Variants in FAM151A observed in about 807,000 individuals in gnomAD.
The protein encoded by FAM151A is family with sequence similarity 151 member A, also known as protein FAM151A.
Under a neutral mutation model 40.4 loss-of-function variants are expected in FAM151A, and 41 were observed. The observed-to-expected ratio is 1.01, with a 90% confidence interval of 0.79 to 1.32. The LOEUF (loss-of-function observed/expected upper bound fraction) is 1.32, where lower values mean the gene tolerates loss of function less well. FAM151A is among the 40% of genes most tolerant of loss of function. The pLI, the probability that FAM151A is intolerant of heterozygous loss-of-function variation, is 0.00. For missense variants in FAM151A, 740 were observed against 740.4 expected (o/e 1.00, Z 0.01); for synonymous variants, 337 against 312.5 (o/e 1.08, Z -0.83).
chr1:54,614,600 G>C (rs1051449708), intron 4 of FAM151A, 100 bp downstream of exon 4: 1 of 1,230,400 alleles, frequency 8.1e-7, no homozygotes, highest in Admixed American at 2.4e-5. Flanking sequence ...TATATAGTAT[G>C]ATTGGAGACA....
chr1:54,611,412 A>G (rs1644116841), intron 6 of FAM151A, among the ~76,000 whole-genome samples, 194 bp downstream of exon 6: 1 of 152,112 alleles, frequency 6.6e-6, no homozygotes, highest in South Asian at 2.1e-4. Flanking sequence ...AAAAATAAAT[A>G]AATAAAAATA....
intron 2 of FAM151A, among the ~76,000 whole-genome samples, chr1:54,619,310 T>C (rs956995790): frequency 3.3e-5 from 5 of 152,198 alleles, no homozygotes; most frequent in African/African-American, 1.2e-4. Flanking sequence ...CGTCACGCAG[T>C]GGCTTGGAGC....
At position 54,609,729 on chromosome 1, in the gene FAM151A, T is replaced by C. The variant is rs868533061; in HGVS notation, c.1297A>G (p.Ser433Gly). 5 of 1,614,140 alleles carry C rather than the reference T, an allele frequency of 3.1e-6. 1 individual carries two copies. The highest frequency in any genetic ancestry group is 2.2e-5 in the East Asian group (1 of 44,882). ...ACAGGCCAATGCAAGAGGCCAAGGC[T>C]GGAGAGGCGTGCCAGCAAGGCCAGG... is the stretch of plus-strand genomic sequence containing the variant. ...PSLALLARLS[S>G]LGLLHWPVWV... is the part of the protein sequence containing the mutation. The change falls in exon 8 of 8, where the codon AGC becomes GGC. Residue 433 changes from serine to glycine, a missense_variant. Ser to Gly is a moderately conservative substitution (Grantham distance 56). Transcript: ENST00000302250.
intron 1 of FAM151A, among the ~76,000 whole-genome samples, chr1:54,621,187 C>T (rs538201022): frequency 2.7e-5 from 4 of 148,154 alleles, no homozygotes; most frequent in Admixed American, 6.8e-5. Flanking sequence ...CTGCGCGCGG[C>T]GGCTGACGCC....
At position 54,616,054 on chromosome 1, in the gene FAM151A, C is replaced by T. The variant is rs761361008; in HGVS notation, c.381G>A (p.Gln127=). The part of the protein sequence containing the change: ...PTIYSDNTLE[Q]WLDAVLGSSQ... ...AAGAGCCCAGCACAGCGTCCAGCCA[C>T]TGCTCCAGTGTGTTGTCACTGTAGA... The change falls in exon 3 of 8, where the codon CAG becomes CAA. Residue 127 remains glutamine, a synonymous_variant. Coordinates refer to ENST00000302250, the MANE Select transcript of FAM151A (RefSeq NM_176782.3). The T allele has an allele frequency of 6.2e-7, 1 of 1,614,126 alleles. No homozygotes were observed. Among genetic ancestry groups the T allele is most frequent in the Non-Finnish European group, 8.5e-7 (1 of 1,180,028 alleles).
chr1:54,621,072 A>C (rs1189028331), intron 1 of FAM151A, among the ~76,000 whole-genome samples: 1 of 151,640 alleles, frequency 6.6e-6, no homozygotes, highest in African/African-American at 2.4e-5. Flanking sequence ...AAGGCAGAGA[A>C]TCACTTGAAC....
chr1:54,615,899 A>G, intron 3 of FAM151A, 121 bp downstream of exon 3: 3 of 1,013,072 alleles, frequency 3.0e-6, no homozygotes. Context: ...GTGATGAGAA[A>G]GCCAAGGCAA....
Position 54,610,519 on chromosome 1 carries a change from C to T in FAM151A, c.977G>A (p.Gly326Asp), listed in dbSNP as rs1644106633. The T allele has an allele frequency of 3.1e-6, 5 of 1,613,508 alleles. No homozygotes were observed. Among genetic ancestry groups the T allele is most frequent in the Non-Finnish European group, 4.2e-6 (5 of 1,179,656 alleles). Residue 326 changes from glycine to aspartate, a missense_variant, in exon 7 of 8, where the codon GGC becomes GAC. Transcript: ENST00000302250. Reference sequence around the variant, plus strand: ...CAGCTGGAGAAGAGGGATCAGGCTGCCTCCCGTGTAGTACATTGGTTTCCG... The same window carrying T: ...CAGCTGGAGAAGAGGGATCAGGCTGTCTCCCGTGTAGTACATTGGTTTCCG... ...ATRKPMYYTG[G>D]SLIPLLQLPG...
chr1:54,616,013 C>A lies in FAM151A; in HGVS notation c.415+7G>T. 1.2e-6 allele frequency: 2 copies of A among 1,613,184 alleles called. No homozygotes were observed. The highest frequency in any genetic ancestry group is 1.7e-6 in the Non-Finnish European group (2 of 1,179,922). The stretch of plus-strand genomic sequence containing the variant: ...GGGCCGGAGAGGGTTTCCAGAGAGG[C>A]CCTTACCCTTTTGGGAAGAGCCCAG... On this transcript the variant is annotated splice_region_variant and intron_variant, in intron 3 of 7. Coordinates refer to ENST00000302250, the MANE Select transcript of FAM151A (RefSeq NM_176782.3).
rs759822650 is a variant in FAM151A, at chr1:54,614,719, TTGAGA to T, written c.551_555del (p.Ile184AsnfsTer2). The T allele has an allele frequency of 6.2e-7, 1 of 1,613,848 alleles. No individual in the cohort carries two copies. On this transcript the variant is annotated frameshift_variant, in exon 4 of 8. Transcript: ENST00000302250. LOFTEE classifies it high-confidence loss of function. ...ACTCACTGTGTGGCATTGACCTCAG[TTGAGA>T]TGAGCATGTTGGGGCCCTTTAAGAT...
chr1:54,622,257 CAG>C (rs1179848197), intron 1 of FAM151A, among the ~76,000 whole-genome samples: 2 of 106,046 alleles, frequency 1.9e-5, no homozygotes, highest in South Asian at 3.4e-4. Flanking sequence ...GGCTGAGTGA[CAG>C]AGTGAGACTC....
rs920212307 is a variant in FAM151A at position 54,610,961 on chromosome 1, G to A, written c.941-406C>T. 42 of 985,264 alleles carry A rather than the reference G, an allele frequency of 4.3e-5. No homozygotes were observed. In the African/African-American group the frequency reaches 7.3e-4, roughly 17 times the overall value. The allele number at this position is 985,264 out of a possible 1,614,324, so 61.0% of individuals were successfully genotyped here. On this transcript the variant is annotated intron_variant, in intron 6 of 7. Coordinates refer to ENST00000302250, the MANE Select transcript of FAM151A (RefSeq NM_176782.3). ...TCACTGCTTAATGAATACAGTGGAG[G>A]CCTCTGAAACATTAGAGTAACCAGC...
At chr1:54,615,881 A>G (rs971110946) in intron 3 of FAM151A, 139 bp downstream of exon 3, 5 of 854,716 alleles carry the variant, frequency 5.8e-6, no homozygotes, top group African/African-American at 5.0e-5. Flanking sequence ...CTGGGCATCT[A>G]TAACATTGTG....
At position 54,623,358 on chromosome 1, in the gene FAM151A, T is replaced by C. The variant is rs781445256; in HGVS notation, c.38A>G (p.Lys13Arg). 1 of 1,613,552 alleles carries C rather than the reference T, an allele frequency of 6.2e-7. No homozygotes were observed. The highest frequency in any genetic ancestry group is 8.5e-7 in the Non-Finnish European group (1 of 1,179,878). ...CREQLSKNQV[K>R]WVFAGITCVS... ...ACAGGTAATGCCGGCAAACACCCAC[T>C]TGACCTGATTCTTTGATAACTGCTC... The change falls in exon 1 of 8, where the codon AAG (lysine) becomes AGG (arginine). Residue 13 changes from lysine to arginine, a missense_variant. Physicochemically the swap from Lys to Arg is conservative, Grantham distance 26. Transcript: ENST00000302250.
chr1:54,618,128 T>C (rs1644194102), intron 2 of FAM151A, among the ~76,000 whole-genome samples: 1 of 152,088 alleles, frequency 6.6e-6, no homozygotes, highest in Non-Finnish European at 1.5e-5. Context: ...GTCCTCCCCA[T>C]CTCTGGGCTG....
Position 54,623,264 on chromosome 1 carries a change from G to A in FAM151A, c.118+14C>T. On this transcript the variant is annotated intron_variant, in intron 1 of 7. Transcript: ENST00000302250. ...AGGGAAGCCACTCAGGATGACATGGGGGGAGGCACCTACCTGGCCGCCGCA... is the reference window on the plus strand; with the variant it reads ...AGGGAAGCCACTCAGGATGACATGGAGGGAGGCACCTACCTGGCCGCCGCA... 1 of 1,592,594 alleles carries A rather than the reference G, an allele frequency of 6.3e-7. No homozygotes were observed. The highest frequency in any genetic ancestry group is 2.2e-5 in the East Asian group (1 of 44,772).
chr1:54,616,869 C>T lies in FAM151A; in HGVS notation c.263-697G>A, dbSNP rs538417202. On this transcript the variant is annotated intron_variant, in intron 2 of 7. Transcript: ENST00000302250. ...TTGATCATCCCCCATCCCTGAGATG[C>T]TTTGGTAAGTTTCTGATTTTTGCTA... 1.4e-4 allele frequency among the ~76,000 whole-genome samples: 21 copies of T among 152,228 alleles called. No homozygotes were observed. In the South Asian group the frequency reaches 4.4e-3, roughly 32 times the overall value.
At chr1:54,620,439 C>T (rs2101025059) in intron 1 of FAM151A, among the ~76,000 whole-genome samples, 1 of 152,350 alleles carries the variant, frequency 6.6e-6, no homozygotes, top group Non-Finnish European at 1.5e-5. Context: ...GGCATGGTGG[C>T]TCATGCCTGT....
In FAM151A at chr1:54,619,894, T is replaced by C; in HGVS notation, c.232A>G (p.Ser78Gly). ...LEVTWYHAAN[S>G]KKAMTAALNS... ...AGGGCAGCTGTCATGGCTTTCTTGCTGTTGGCTGCGTGGTACCAGGTGACC... is the reference window on the plus strand; with the variant it reads ...AGGGCAGCTGTCATGGCTTTCTTGCCGTTGGCTGCGTGGTACCAGGTGACC... The change falls in exon 2 of 8, where the codon AGC becomes GGC. Residue 78 changes from serine (S) to glycine (G), a missense_variant. Transcript: ENST00000302250. 1.2e-6 allele frequency: 2 copies of C among 1,614,158 alleles called. No individual in the cohort carries two copies. Among genetic ancestry groups the C allele is most frequent in the Non-Finnish European group, 1.7e-6 (2 of 1,180,036 alleles).
Sources: gnomAD v4.1 joint callset for allele counts (sites outside exome capture counted in the v4.1 genomes callset) on GRCh38, gnomAD v4.1.1 for gene constraint, MANE v1.5 for transcripts, NCBI Gene and HGNC (gene_info 2026-07-23, HGNC 2026-07-21) for gene names.